Variants in SCN11A observed in about 807,000 individuals in gnomAD.
SCN11A encodes sodium voltage-gated channel alpha subunit 11.
Under a neutral mutation model 162.2 loss-of-function variants are expected in SCN11A, and 122 were observed. The observed-to-expected ratio is 0.75, with a 90% CI of 0.65 to 0.87. SCN11A has a LOEUF of 0.87. Ranked by LOEUF, SCN11A falls within the 40% of genes least tolerant of loss-of-function variation. SCN11A has a pLI of 0.00. For synonymous variants in SCN11A, 758 were observed against 751.5 expected (o/e 1.01, Z -0.14); for missense variants, 2,015 against 2,181.6 (o/e 0.92, Z 1.52).
chr3:38,879,919 C>G (rs754419591), intron 23 of SCN11A, 31 bp downstream of exon 23: 2 of 1,588,666 alleles, frequency 1.3e-6, no homozygotes, highest in South Asian at 1.1e-5. Flanking sequence ...ACTACCCCAG[C>G]CTGTGTGGGA....
In SCN11A at chr3:38,961,625, C is replaced by T. The variant is rs150324334; in HGVS notation, c.-279-1202G>A. On this transcript the variant is annotated intron_variant, in intron 2 of 29. Transcript: ENST00000302328. ...ATAAGCACTTTTTACATAAATGCAA[C>T]GTGTGTGTTTGAAAAGGTAAGAGGA... Among the ~76,000 whole-genome samples, 98 of 152,280 alleles carry T rather than the reference C, an allele frequency of 6.4e-4. No homozygotes were observed. In the East Asian group the frequency reaches 0.017, roughly 27 times the overall value.
chr3:38,939,259 A>T (rs1205056665), intron 7 of SCN11A, among the ~76,000 whole-genome samples: 1 of 152,130 alleles, frequency 6.6e-6, no homozygotes, highest in Non-Finnish European at 1.5e-5. Context: ...TTTAAGACAA[A>T]TAGAATTTAA....
chr3:39,034,338 T>G (rs992125865), intron 1 of SCN11A, among the ~76,000 whole-genome samples: 2 of 152,048 alleles, frequency 1.3e-5, no homozygotes, highest in African/African-American at 4.8e-5. Flanking sequence ...ATTAACAGAA[T>G]AAAGGACAAA....
intron 2 of SCN11A, among the ~76,000 whole-genome samples, chr3:39,001,999 T>C (rs1275755813): frequency 6.6e-6 from 1 of 151,842 alleles, no homozygotes; most frequent in Non-Finnish European, 1.5e-5. Context: ...ATGACGCCAC[T>C]GCACTTCAGC....
chr3:38,940,725 A>G (rs2066430322), intron 7 of SCN11A, among the ~76,000 whole-genome samples: 1 of 152,182 alleles, frequency 6.6e-6, no homozygotes, highest in Non-Finnish European at 1.5e-5. Context: ...AGAAAATATG[A>G]GAGAGTCCTT....
rs1559518186 is a variant in SCN11A, at chr3:38,899,945, C to G, written c.1971G>C (p.Met657Ile). Reference protein sequence around the residue: ...IVALLSFADVMNCVLQKRSWP... With the variant: ...IVALLSFADVINCVLQKRSWP... ...AGCTTCTCTTTTGAAGTACACAGTTCATTACATCTGCAAAACTCAGAAGAG... is the reference window on the plus strand; with the variant it reads ...AGCTTCTCTTTTGAAGTACACAGTTGATTACATCTGCAAAACTCAGAAGAG... The change falls in exon 17 of 30, where the codon ATG becomes ATC. Residue 657 changes from methionine (M) to isoleucine (I), a missense_variant. By Grantham distance (10) the Met-to-Ile change is conservative. Transcript: ENST00000302328. The G allele has an allele frequency of 4.3e-6, 7 of 1,613,990 alleles. No homozygotes were observed. Among genetic ancestry groups the G allele is most frequent in the Middle Eastern group, 1.6e-4 (1 of 6,084 alleles).
At chr3:39,019,749 CAT>C (rs556508231) in intron 2 of SCN11A, among the ~76,000 whole-genome samples, 212 of 152,244 alleles carry the variant, frequency 1.4e-3, no homozygotes, top group African/African-American at 3.8e-3. Context: ...ATGTTTAATT[CAT>C]ATGTCACTTT....
intron 28 of SCN11A, 152 bp from the exon 29 acceptor site, chr3:38,850,903 C>T (rs2064767844): frequency 1.7e-6 from 1 of 586,976 alleles, no homozygotes; most frequent in Admixed American, 3.6e-5. Context: ...GCAAGAAATT[C>T]TTATAAATCC....
chr3:38,897,323 T>G, intron 17 of SCN11A, 98 bp from the exon 18 acceptor site: 4 of 1,223,150 alleles, frequency 3.3e-6, no homozygotes, highest in Non-Finnish European at 3.4e-6. Context: ...CCCAAACTTA[T>G]GACATCCAAA....
At chr3:38,942,217 T>C (rs921225769) in intron 7 of SCN11A, among the ~76,000 whole-genome samples, 4 of 152,100 alleles carry the variant, frequency 2.6e-5, no homozygotes, top group African/African-American at 9.7e-5. Context: ...AAGCCAAATT[T>C]GACAAAAAGA....
intron 2 of SCN11A, among the ~76,000 whole-genome samples, chr3:38,981,522 GTTGTGTGTGTGTGT>G (rs1432804705): frequency 7.2e-6 from 1 of 137,960 alleles, no homozygotes; most frequent in Non-Finnish European, 1.5e-5. Context: ...GTGTTTCTGT[GTTGTGTGTGTGTGT>G]TTGTGTGTGT....
chr3:38,945,485 G>A lies in SCN11A; in HGVS notation c.414C>T (p.Thr138=), dbSNP rs765162266. The change falls in exon 7 of 30, where the codon ACC becomes ACT. Residue 138 remains threonine (T), a synonymous_variant. Transcript: ENST00000302328. ...CCATGAACACGCAGTTGATGATAAC[G>A]GTGCCGATAATGAACATGCTGAACA... ...HSLFSMFIIG[T]VIINCVFMAT... 6.3e-6 allele frequency: 10 copies of A among 1,587,410 alleles called. No homozygotes were observed. In the South Asian group the frequency reaches 6.8e-5, roughly 11 times the overall value.
At chr3:39,004,681 TTG>T (rs1477204114) in intron 2 of SCN11A, among the ~76,000 whole-genome samples, 18 of 152,200 alleles carry the variant, frequency 1.2e-4, no homozygotes, top group African/African-American at 3.1e-4. Context: ...TCCCATTTGT[TTG>T]TGTCTTCTCT....
rs549015962 is a variant in SCN11A at position 39,004,802 on chromosome 3, TC to T, written c.-280+27577del. On this transcript the variant is annotated intron_variant, in intron 2 of 29. Coordinates refer to ENST00000302328, the MANE Select transcript of SCN11A (RefSeq NM_001349253.2). ...TAGAATTCCAGGTTGACGATTTTTT[TC>T]TTTCCACTCTTCATACATATAATTC... Among the ~76,000 whole-genome samples, 157 of 152,342 alleles carry T rather than the reference TC, an allele frequency of 1.0e-3. 1 individual carries two copies. Among genetic ancestry groups the T allele is most frequent in the Admixed American group, 2.0e-3 (30 of 15,304 alleles).
chr3:39,044,012 A>T (rs538739564), intron 1 of SCN11A, among the ~76,000 whole-genome samples: 1 of 152,276 alleles, frequency 6.6e-6, no homozygotes, highest in East Asian at 1.9e-4. Context: ...GATAAAAATA[A>T]TTTTTTAAAT....
chr3:38,873,646 G>A (rs1160412976), intron 23 of SCN11A, among the ~76,000 whole-genome samples: 3 of 152,100 alleles, frequency 2.0e-5, no homozygotes, highest in Non-Finnish European at 2.9e-5. Context: ...GGTGAGAAGG[G>A]ATGTTCCTAC....
rs747577572 is a variant in SCN11A at position 38,871,478 on chromosome 3, A to G, written c.3726T>C (p.Asn1242=). Residue 1242 remains asparagine (N), a synonymous_variant, in exon 25 of 30, where the codon AAT becomes AAC. Coordinates refer to ENST00000302328, the MANE Select transcript of SCN11A (RefSeq NM_001349253.2). The part of the protein sequence containing the change: ...SWINQKVNFD[N]VGNAYLALLQ... ...GCAGAGCGAGGTAAGCATTTCCCAC[A>G]TTGTCAAAGTTGACTTTCTGGTTGA... The G allele has an allele frequency of 3.7e-6, 6 of 1,612,156 alleles. No homozygotes were observed. In the African/African-American group the frequency reaches 4.0e-5, roughly 11 times the overall value.
rs1428167249 is a variant in SCN11A, at chr3:38,943,641, T to C, written c.488+1770A>G. Among the ~76,000 whole-genome samples, 5 of 152,020 alleles carry C rather than the reference T, an allele frequency of 3.3e-5. No individual in the cohort carries two copies. The East Asian group carries it at 9.6e-4, about 29-fold the overall frequency. Reference sequence around the variant, plus strand: ...TGGTTATACAGAGAACTCAAACTGATTAGAAAAGAAATAAAAATGATACAG... The same window carrying C: ...TGGTTATACAGAGAACTCAAACTGACTAGAAAAGAAATAAAAATGATACAG... On this transcript the variant is annotated intron_variant, in intron 7 of 29. Coordinates refer to ENST00000302328, the MANE Select transcript of SCN11A (RefSeq NM_001349253.2).
intron 14 of SCN11A, among the ~76,000 whole-genome samples, 174 bp downstream of exon 14, chr3:38,907,763 CACTCTAAATTGA>C (rs1173017267): frequency 1.3e-5 from 2 of 152,166 alleles, no homozygotes; most frequent in Non-Finnish European, 2.9e-5. Context: ...ACACTGTAAA[CACTCTAAATTGA>C]TGTTTACAAA....
Sources: gnomAD v4.1 joint callset for allele counts (sites outside exome capture counted in the v4.1 genomes callset) on GRCh38, gnomAD v4.1.1 for gene constraint, MANE v1.5 for transcripts, NCBI Gene and HGNC (gene_info 2026-07-23, HGNC 2026-07-21) for gene names.